CDK17: variants seen among roughly 807,000 people sequenced by gnomAD.
CDK17 encodes cyclin-dependent kinase 17.
A neutral mutation model predicts 77.6 loss-of-function variants in CDK17; 24 were observed. That is an observed-to-expected ratio of 0.31 (90% confidence interval 0.22 to 0.44). The LOEUF (loss-of-function observed/expected upper bound fraction) is 0.44. Among genes scored for constraint, CDK17 ranks in the 20% least tolerant of loss-of-function variants. CDK17 has a pLI of 1.00. For missense variants in CDK17, 429 were observed against 622.5 expected (o/e 0.69, Z 3.31); for synonymous variants, 203 against 210.4 (o/e 0.96, Z 0.30).
rs775466391 is a variant in CDK17 at position 96,377,682 on chromosome 12, GT to G, written c.-30+22303del. 2.3e-3 allele frequency among the ~76,000 whole-genome samples: 323 copies of G among 138,568 alleles called. 1 individual carries two copies. The highest frequency in any genetic ancestry group is 7.5e-3 in the Middle Eastern group (2 of 268). 90.9% of individuals were successfully genotyped at this position (138,568 alleles called of 152,430 possible). On this transcript the variant is annotated intron_variant, in intron 1 of 16. Transcript: ENST00000261211. ...TGGCAGCATCAGAATTACAGAAGCA[GT>G]TTTTTTTTTTCGTTTTTTTTTTTTT...
chr12:96,394,129 C>T (rs941002072), intron 1 of CDK17, among the ~76,000 whole-genome samples: 6 of 151,906 alleles, frequency 3.9e-5, no homozygotes, highest in Admixed American at 3.9e-4. Context: ...GCCTGTAATC[C>T]CAGCTACTCG....
intron 3 of CDK17, among the ~76,000 whole-genome samples, chr12:96,319,980 T>G: frequency 6.6e-6 from 1 of 150,750 alleles, no homozygotes; most frequent in South Asian, 2.1e-4. Flanking sequence ...AAATAAAGGG[T>G]ATTCAATTAG....
Position 96,294,992 on chromosome 12 carries a change from TCCATA to T in CDK17, c.997+2_997+6del, listed in dbSNP as rs757058856. 6.2e-7 allele frequency: 1 copy of T among 1,606,340 alleles called. No individual in the cohort carries two copies. ...AAGTACTAATAAATATCTCATACAT[TCCATA>T]CCAAAATCTGCTAGCTTTAATTCTC... is the stretch of plus-strand genomic sequence containing the variant. On this transcript the variant is annotated splice_donor_variant and splice_donor_5th_base_variant and intron_variant, in intron 10 of 16. Transcript: ENST00000261211. LOFTEE classifies it high-confidence loss of function.
intron 1 of CDK17, among the ~76,000 whole-genome samples, chr12:96,393,082 A>G (rs910586034): frequency 6.6e-6 from 1 of 152,150 alleles, no homozygotes; most frequent in Non-Finnish European, 1.5e-5. Flanking sequence ...AACCAATTTA[A>G]GGCCAGGCAC....
chr12:96,337,063 A>G (rs1219575127), intron 1 of CDK17, among the ~76,000 whole-genome samples: 2 of 152,174 alleles, frequency 1.3e-5, no homozygotes, highest in Non-Finnish European at 2.9e-5. Flanking sequence ...TCCTCCAGAA[A>G]GGATTTAATT....
At chr12:96,367,506 A>T (rs1953607605) in intron 1 of CDK17, among the ~76,000 whole-genome samples, 1 of 152,136 alleles carries the variant, frequency 6.6e-6, no homozygotes, top group African/African-American at 2.4e-5. Context: ...TTAATGAACT[A>T]GAGCAGATTC....
In CDK17 at chr12:96,283,333, TAG is replaced by T. The variant is rs1470847021; in HGVS notation, c.1365+268_1365+269del. ...AAGGAAAAGAGAACATAAGAGAGCA[TAG>T]AGAGCATCAATTGCAGAGAATGTGG... is the stretch of plus-strand genomic sequence containing the variant. On this transcript the variant is annotated intron_variant, in intron 14 of 16. Coordinates refer to ENST00000261211, the MANE Select transcript of CDK17 (RefSeq NM_002595.5). Among the ~76,000 whole-genome samples the T allele has an allele frequency of 2.6e-5, 4 of 152,050 alleles. No homozygotes were observed. The East Asian group carries it at 7.7e-4, about 29-fold the overall frequency.
chr12:96,365,825 T>G (rs1953575415), intron 1 of CDK17, among the ~76,000 whole-genome samples: 1 of 152,220 alleles, frequency 6.6e-6, no homozygotes, highest in East Asian at 1.9e-4. Flanking sequence ...GGAGACTGTT[T>G]GAGCCTAGGA....
At chr12:96,303,526 T>C (rs1227468036) in intron 5 of CDK17, 2 of 152,178 alleles carry the variant, frequency 1.3e-5, no homozygotes, top group African/African-American at 4.8e-5. Context: ...TATTTTCATG[T>C]AATATAAGAG....
At chr12:96,394,718 T>C (rs1363565857) in intron 1 of CDK17, among the ~76,000 whole-genome samples, 1 of 145,634 alleles carries the variant, frequency 6.9e-6, no homozygotes, top group Non-Finnish European at 1.5e-5. Context: ...CTCCGGAGGC[T>C]GAGGCACGAG....
rs184745673 is a variant in CDK17, at chr12:96,397,583, A to G, written c.-30+2403T>C. Reference sequence around the variant, plus strand: ...GATATTAACAAGACTTTAATTCTACATTTACATTTTTTTCTCATTGTAAAT... The same window carrying G: ...GATATTAACAAGACTTTAATTCTACGTTTACATTTTTTTCTCATTGTAAAT... On this transcript the variant is annotated intron_variant, in intron 1 of 16. Transcript: ENST00000261211. 2.4e-3 allele frequency among the ~76,000 whole-genome samples: 368 copies of G among 152,306 alleles called. 2 individuals carry two copies. Among genetic ancestry groups the G allele is most frequent in the African/African-American group, 8.3e-3 (343 of 41,558 alleles).
intron 1 of CDK17, among the ~76,000 whole-genome samples, chr12:96,341,265 T>G (rs1489639259): frequency 6.6e-6 from 1 of 152,062 alleles, no homozygotes; most frequent in Non-Finnish European, 1.5e-5. Flanking sequence ...AGGGCCCTTT[T>G]CTGACTCTAT....
chr12:96,383,291 G>C (rs1424395880), intron 1 of CDK17, among the ~76,000 whole-genome samples: 1 of 151,472 alleles, frequency 6.6e-6, no homozygotes, highest in Non-Finnish European at 1.5e-5. Context: ...AACATTCCAT[G>C]GTCATTAATT....
chr12:96,287,638 G>A (rs2137068831), intron 11 of CDK17, among the ~76,000 whole-genome samples: 1 of 152,190 alleles, frequency 6.6e-6, no homozygotes, highest in African/African-American at 2.4e-5. Context: ...ACAACATGGT[G>A]AGACAATGTC....
At chr12:96,355,508 G>A (rs1412271709) in intron 1 of CDK17, among the ~76,000 whole-genome samples, 3 of 146,556 alleles carry the variant, frequency 2.0e-5, no homozygotes, top group African/African-American at 5.0e-5. Flanking sequence ...GGGTTCAAGC[G>A]ATTCTCCTGC....
At chr12:96,288,014 T>C (rs1045422969) in intron 11 of CDK17, among the ~76,000 whole-genome samples, 1 of 151,916 alleles carries the variant, frequency 6.6e-6, no homozygotes, top group African/African-American at 2.4e-5. Flanking sequence ...TACCAGAAAC[T>C]GATGGTGGGG....
At chr12:96,308,229 TAAAAAA>T (rs61572243) in intron 5 of CDK17, among the ~76,000 whole-genome samples, 2 of 63,766 alleles carry the variant, frequency 3.1e-5, no homozygotes. Context: ...ATGCCATCTC[TAAAAAA>T]AAAAAAAAAA....
At chr12:96,280,778 G>A in intron 16 of CDK17, 30 bp downstream of exon 16, 1 of 1,604,878 alleles carries the variant, frequency 6.2e-7, no homozygotes, top group Non-Finnish European at 8.5e-7. Flanking sequence ...ATTCATGATC[G>A]ACACGTGAAA....
At chr12:96,293,988 T>G (rs1485272875) in intron 10 of CDK17, among the ~76,000 whole-genome samples, 1 of 152,218 alleles carries the variant, frequency 6.6e-6, no homozygotes, top group Admixed American at 6.5e-5. Flanking sequence ...CAGGAAAATG[T>G]CTGCCAAACA....
Sources: allele counts gnomAD v4.1 joint callset (sites outside exome capture counted in the v4.1 genomes callset), GRCh38; gene constraint gnomAD v4.1.1; transcripts MANE v1.5; gene names NCBI Gene and HGNC (gene_info 2026-07-23, HGNC 2026-07-21).